ABLIM1: variants seen among roughly 807,000 people sequenced by gnomAD.
ABLIM1 encodes actin binding LIM protein 1, also known as actin-binding LIM protein 1.
In ABLIM1, 40 loss-of-function variants were observed where a neutral mutation model predicts 107.0. That is an observed-to-expected ratio of 0.37 (90% CI 0.29 to 0.49). The LOEUF is 0.49. Among genes scored for constraint, ABLIM1 ranks in the 20% least tolerant of loss-of-function variants. The pLI is 0.97. For missense variants in ABLIM1, 857 were observed against 1,008.5 expected (o/e 0.85, Z 2.04); for synonymous variants, 357 against 357.3 (o/e 1.00, Z 0.01).
At chr10:114,486,853 T>C (rs1396835722) in intron 8 of ABLIM1, among the ~76,000 whole-genome samples, 6 of 152,038 alleles carry the variant, frequency 3.9e-5, no homozygotes, top group Non-Finnish European at 7.4e-5. Context: ...TGGATGCGAA[T>C]TGAGGAGGAA....
intron 21 of ABLIM1, among the ~76,000 whole-genome samples, chr10:114,438,264 T>G (rs1029220079): frequency 6.6e-6 from 1 of 152,170 alleles, no homozygotes; most frequent in Non-Finnish European, 1.5e-5. Flanking sequence ...TGTTTTTGTT[T>G]TTCTTTTTTT....
In ABLIM1 at chr10:114,437,888, C is replaced by T. The variant is rs2059651852; in HGVS notation, c.2179G>A (p.Gly727Arg). Reference sequence around the variant, plus strand: ...ACCTCTCTGAGGATTTTGTTTCGCCCTCTGTTGGTCACCATGAGCATTTCA... The same window carrying T: ...ACCTCTCTGAGGATTTTGTTTCGCCTTCTGTTGGTCACCATGAGCATTTCA... ...PYEMLMVTNR[G>R]RNKILREVDR... The change falls in exon 22 of 23, where the codon GGG (glycine) becomes AGG (arginine). Residue 727 changes from glycine (G) to arginine (R), a missense_variant. Transcript: ENST00000533213. The T allele has an allele frequency of 3.1e-6, 5 of 1,614,110 alleles. No individual in the cohort carries two copies. The African/African-American group carries it at 5.3e-5, about 17-fold the overall frequency.
At chr10:114,641,744 G>C (rs886977824) in intron 1 of ABLIM1, among the ~76,000 whole-genome samples, 3 of 152,170 alleles carry the variant, frequency 2.0e-5, no homozygotes, top group Non-Finnish European at 4.4e-5. Flanking sequence ...CCTGAGACGG[G>C]AGCCCACCTG....
chr10:114,679,016 T>G (rs950433301), intron 1 of ABLIM1, among the ~76,000 whole-genome samples: 1 of 152,172 alleles, frequency 6.6e-6, no homozygotes, highest in African/African-American at 2.4e-5. Flanking sequence ...CCTCTCACTT[T>G]GAGACTGGAA....
intron 3 of ABLIM1, among the ~76,000 whole-genome samples, chr10:114,573,744 C>T (rs1396099733): frequency 2.6e-5 from 4 of 152,184 alleles, no homozygotes; most frequent in African/African-American, 9.6e-5. Flanking sequence ...AAATGACTCG[C>T]ATCTAGTTCA....
chr10:114,580,950 G>T (rs1158151977), intron 2 of ABLIM1, among the ~76,000 whole-genome samples: 1 of 152,116 alleles, frequency 6.6e-6, no homozygotes, highest in East Asian at 1.9e-4. Flanking sequence ...GAGATTAATT[G>T]CTTTCTTCTG....
At chr10:114,519,898 C>T (rs2063479413) in intron 6 of ABLIM1, among the ~76,000 whole-genome samples, 2 of 152,246 alleles carry the variant, frequency 1.3e-5, no homozygotes, top group Admixed American at 1.3e-4. Flanking sequence ...TGGGTTACCC[C>T]CAAACCTGGG....
intron 1 of ABLIM1, among the ~76,000 whole-genome samples, chr10:114,763,915 C>G (rs2082815700): frequency 6.6e-6 from 1 of 152,112 alleles, no homozygotes. Context: ...GATAAACACT[C>G]CAGTTGACTC....
chr10:114,555,423 A>C (rs542608945), intron 4 of ABLIM1, among the ~76,000 whole-genome samples: 2 of 152,240 alleles, frequency 1.3e-5, no homozygotes, highest in Admixed American at 6.5e-5. Context: ...TTCTTTTCTC[A>C]AATGCCCTTG....
intron 1 of ABLIM1, among the ~76,000 whole-genome samples, chr10:114,608,817 C>A (rs2076610008): frequency 6.6e-6 from 1 of 151,628 alleles, no homozygotes. Flanking sequence ...GAGTTCCAGA[C>A]AAGCCTGGTC....
In ABLIM1 at chr10:114,434,922, T is replaced by A. The variant is rs1029706159; in HGVS notation, c.*1338A>T. ...CTACATCAGCGCCAACACCTTTCCA[T>A]GAAGGAAGTGATGTTGGGGTCGCAG... On this transcript the variant is annotated 3_prime_UTR_variant, in exon 23 of 23. Transcript: ENST00000533213. The A allele has an allele frequency of 6.6e-6, 1 of 152,142 alleles. No homozygotes were observed. Among genetic ancestry groups the A allele is most frequent in the Non-Finnish European group, 1.5e-5 (1 of 68,040 alleles). 9.4% of individuals were successfully genotyped at this position (152,142 alleles called of 1,614,324 possible).
At chr10:114,526,815 C>G (rs1043165040) in intron 6 of ABLIM1, 83 of 985,362 alleles carry the variant, frequency 8.4e-5, no homozygotes, top group Non-Finnish European at 9.8e-5. Flanking sequence ...GGTTACATAT[C>G]AGGCTTCTCT....
At chr10:114,498,211 G>A (rs2059945981) in intron 6 of ABLIM1, among the ~76,000 whole-genome samples, 1 of 152,114 alleles carries the variant, frequency 6.6e-6, no homozygotes, top group Non-Finnish European at 1.5e-5. Context: ...AATGCAAAGG[G>A]CCGGGCTAGA....
At chr10:114,611,134 A>G (rs1391630294) in intron 1 of ABLIM1, among the ~76,000 whole-genome samples, 4 of 150,194 alleles carry the variant, frequency 2.7e-5, no homozygotes, top group Admixed American at 6.6e-5. Context: ...GCCTGGGGAC[A>G]GAGCAAGACT....
intron 1 of ABLIM1, among the ~76,000 whole-genome samples, chr10:114,718,081 G>T: frequency 1.1e-5 from 1 of 90,616 alleles, no homozygotes; most frequent in Non-Finnish European, 2.6e-5. Flanking sequence ...AAGGAAGGAA[G>T]GAAGGAAGGA....
intron 4 of ABLIM1, among the ~76,000 whole-genome samples, chr10:114,562,462 G>A (rs1188553568): frequency 6.6e-6 from 1 of 152,202 alleles, no homozygotes; most frequent in Non-Finnish European, 1.5e-5. Flanking sequence ...CCAGGAGGCG[G>A]AGCTTGCAGT....
chr10:114,492,011 T>G, intron 6 of ABLIM1, 133 bp from the exon 7 acceptor site: 1 of 681,074 alleles, frequency 1.5e-6, no homozygotes, highest in Middle Eastern at 3.1e-4. Flanking sequence ...TGACCAAACT[T>G]CCTACACCAA....
intron 1 of ABLIM1, among the ~76,000 whole-genome samples, chr10:114,726,027 C>T (rs1387054666): frequency 6.6e-6 from 1 of 152,020 alleles, no homozygotes; most frequent in African/African-American, 2.4e-5. Flanking sequence ...GGATTACAGG[C>T]ATGAGCCACC....
At chr10:114,636,214 C>T (rs1015186998) in intron 1 of ABLIM1, among the ~76,000 whole-genome samples, 5 of 152,098 alleles carry the variant, frequency 3.3e-5, no homozygotes, top group Non-Finnish European at 7.4e-5. Flanking sequence ...GAGGGAAAGT[C>T]ATTCCAAGTG....
Sources: gnomAD v4.1 joint callset for allele counts (sites outside exome capture counted in the v4.1 genomes callset) on GRCh38, gnomAD v4.1.1 for gene constraint, MANE v1.5 for transcripts, NCBI Gene and HGNC (gene_info 2026-07-23, HGNC 2026-07-21) for gene names.